CORO2A: variants seen among roughly 807,000 people sequenced by gnomAD.
The protein encoded by CORO2A is coronin 2A.
A neutral mutation model predicts 62.4 loss-of-function variants in CORO2A; 47 were observed. The observed-to-expected ratio is 0.75, with a 90% confidence interval of 0.60 to 0.96. CORO2A has a LOEUF of 0.96. Among genes scored for constraint, CORO2A ranks in the 40% least tolerant of loss-of-function variants. The probability of loss-of-function intolerance (pLI) is 0.00; values close to 1 mark genes in which losing one functional copy is unlikely to be tolerated. For missense variants in CORO2A, 610 were observed against 684.1 expected (o/e 0.89, Z 1.21); for synonymous variants, 273 against 268.9 (o/e 1.02, Z -0.15).
chr9:98,187,428 C>T (rs1299157573), intron 1 of CORO2A, among the ~76,000 whole-genome samples: 1 of 149,954 alleles, frequency 6.7e-6, no homozygotes, highest in Admixed American at 6.7e-5. Context: ...CACTGCACTC[C>T]AGCCTAGGCG....
rs1258154682 is a variant in CORO2A, at chr9:98,134,839, G to A, written c.435C>T (p.Ala145=). ...CATAGCCAGCACTGAAGAGGATGTT[G>A]GCGGCCGTGGGGTGCCACTCCACCA... The part of the protein sequence containing the change: ...VGLVEWHPTA[A]NILFSAGYDY... The change falls in exon 4 of 12, where the codon GCC becomes GCT. Residue 145 remains alanine, a synonymous_variant. Transcript: ENST00000375077. 1 of 1,613,930 alleles carries A rather than the reference G, an allele frequency of 6.2e-7. No homozygotes were observed. The highest frequency in any genetic ancestry group is 1.7e-5 in the Admixed American group (1 of 59,990).
chr9:98,145,414 C>T (rs1360559260), intron 2 of CORO2A, among the ~76,000 whole-genome samples: 1 of 152,144 alleles, frequency 6.6e-6, no homozygotes, highest in Non-Finnish European at 1.5e-5. Flanking sequence ...AGACAGAGGA[C>T]CCATTCCTTG....
At chr9:98,137,719 G>A (rs1277450663) in intron 2 of CORO2A, 31 bp from the exon 3 acceptor site, 8 of 1,533,202 alleles carry the variant, frequency 5.2e-6, no homozygotes, top group Non-Finnish European at 7.2e-6. Context: ...GGGTTGGGGA[G>A]GAGGTGGATT....
chr9:98,128,595 G>C lies in CORO2A; in HGVS notation c.1080+12C>G, dbSNP rs367766736. On this transcript the variant is annotated intron_variant, in intron 9 of 11. Coordinates refer to ENST00000375077, the MANE Select transcript of CORO2A (RefSeq NM_052820.4). ...CCCCACCTGCCTCCCATGCGGTCCC[G>C]ACTGCCCTTACCCGCCGGGGCACAA... The C allele has an allele frequency of 6.2e-7, 1 of 1,612,474 alleles. No individual in the cohort carries two copies. The highest frequency in any genetic ancestry group is 8.5e-7 in the Non-Finnish European group (1 of 1,178,536).
At chr9:98,161,807 C>T (rs1009855745) in intron 1 of CORO2A, among the ~76,000 whole-genome samples, 4 of 152,142 alleles carry the variant, frequency 2.6e-5, no homozygotes, top group South Asian at 2.1e-4. Context: ...TCGCTGAAAT[C>T]GACATGAGCT....
chr9:98,132,832 C>G (rs1827427816), intron 5 of CORO2A, among the ~76,000 whole-genome samples: 1 of 152,338 alleles, frequency 6.6e-6, no homozygotes, highest in Admixed American at 6.5e-5. Flanking sequence ...CATTTCATCT[C>G]TCACGGGCCT....
At chr9:98,188,498 C>T (rs923375738) in intron 1 of CORO2A, among the ~76,000 whole-genome samples, 1 of 152,188 alleles carries the variant, frequency 6.6e-6, no homozygotes, top group Admixed American at 6.5e-5. Context: ...GGTGTGTTGG[C>T]TCACATCTGT....
chr9:98,125,329 C>T (rs936655958), intron 11 of CORO2A, among the ~76,000 whole-genome samples: 3 of 152,144 alleles, frequency 2.0e-5, no homozygotes, highest in South Asian at 2.1e-4. Flanking sequence ...CTAAGGGCCT[C>T]GTTATCCCAC....
intron 2 of CORO2A, among the ~76,000 whole-genome samples, chr9:98,148,491 T>C (rs1827676349): frequency 6.6e-6 from 1 of 151,242 alleles, no homozygotes; most frequent in African/African-American, 2.4e-5. Context: ...CTCATACCTG[T>C]AATTCCAGAA....
chr9:98,143,993 C>T (rs1827608832), intron 2 of CORO2A, among the ~76,000 whole-genome samples: 1 of 152,076 alleles, frequency 6.6e-6, no homozygotes, highest in Non-Finnish European at 1.5e-5. Context: ...TACTTAAGGC[C>T]AGGAGTTCAA....
chr9:98,150,505 TC>T (rs1827708616), intron 2 of CORO2A, among the ~76,000 whole-genome samples: 2 of 152,182 alleles, frequency 1.3e-5, no homozygotes, highest in Admixed American at 6.5e-5. Flanking sequence ...GGCTCAAAGA[TC>T]ACCTTCCCAG....
At position 98,128,253 on chromosome 9, in the gene CORO2A, G is replaced by A. The variant is rs1587990421; in HGVS notation, c.1088C>T (p.Ser363Phe). The A allele has an allele frequency of 6.2e-7, 1 of 1,612,056 alleles. No individual in the cohort carries two copies. ...TGGAGGGTATATGTCCTCTTGGTAG[G>A]ATTCTGACTGCAGGAGAAATCCAGA... ...ISMIVPRRSESYQEDIYPPTA... is the reference protein window; with the variant it reads ...ISMIVPRRSEFYQEDIYPPTA... Residue 363 changes from serine to phenylalanine, a missense_variant, in exon 10 of 12, where the codon TCC becomes TTC. Physicochemically the swap from Ser to Phe is radical, Grantham distance 155. Transcript: ENST00000375077.
chr9:98,135,791 T>C (rs527865793), intron 3 of CORO2A, among the ~76,000 whole-genome samples: 5 of 152,362 alleles, frequency 3.3e-5, no homozygotes, highest in African/African-American at 7.2e-5. Flanking sequence ...AAATATTTAT[T>C]TCCTGGTCAT....
At chr9:98,171,842 G>A (rs1473634997) in intron 1 of CORO2A, among the ~76,000 whole-genome samples, 1 of 152,062 alleles carries the variant, frequency 6.6e-6, no homozygotes, top group Non-Finnish European at 1.5e-5. Context: ...CAGTGCTGAG[G>A]AGGGGGCACC....
At chr9:98,173,785 C>T (rs1301885834) in intron 1 of CORO2A, among the ~76,000 whole-genome samples, 3 of 152,190 alleles carry the variant, frequency 2.0e-5, no homozygotes, top group East Asian at 1.9e-4. Context: ...GATACCACAT[C>T]GTCAGGTTGC....
intron 2 of CORO2A, among the ~76,000 whole-genome samples, chr9:98,145,216 C>T (rs1423143064): frequency 6.6e-6 from 1 of 152,130 alleles, no homozygotes; most frequent in Non-Finnish European, 1.5e-5. Context: ...CTCACTTCCT[C>T]CTGAGGTAAT....
intron 1 of CORO2A, among the ~76,000 whole-genome samples, chr9:98,184,463 T>C (rs1314421304): frequency 6.6e-6 from 1 of 152,198 alleles, no homozygotes; most frequent in Non-Finnish European, 1.5e-5. Flanking sequence ...TTTTCTCATA[T>C]CCAAACCCAA....
intron 3 of CORO2A, among the ~76,000 whole-genome samples, chr9:98,136,530 C>G (rs959677088): frequency 6.6e-6 from 1 of 152,246 alleles, no homozygotes; most frequent in African/African-American, 2.4e-5. Context: ...TCTTAGCCAT[C>G]ATTTCTAGTA....
intron 2 of CORO2A, among the ~76,000 whole-genome samples, chr9:98,143,474 G>A (rs1032563629): frequency 6.6e-6 from 1 of 152,132 alleles, no homozygotes; most frequent in African/African-American, 2.4e-5. Flanking sequence ...AGGTGAAGTG[G>A]GCAGGCAGAC....
Sources: allele counts gnomAD v4.1 joint callset (sites outside exome capture counted in the v4.1 genomes callset), GRCh38; gene constraint gnomAD v4.1.1; transcripts MANE v1.5; gene names NCBI Gene and HGNC (gene_info 2026-07-23, HGNC 2026-07-21).